Variants in RBFOX1 observed in about 807,000 individuals in gnomAD.
The protein encoded by RBFOX1 is RNA binding fox-1 homolog 1, also known as RNA binding protein fox-1 homolog 1.
In RBFOX1, 8 loss-of-function variants were observed where a neutral mutation model predicts 57.7. The ratio of observed to expected loss-of-function variants is 0.14; its 90% CI spans 0.08 to 0.25. The LOEUF (loss-of-function observed/expected upper bound fraction) is 0.25, where lower values mean the gene tolerates loss of function less well. RBFOX1 is among the 10% of genes least tolerant of loss of function. The pLI is 1.00. For synonymous variants in RBFOX1, 326 were observed against 222.4 expected (o/e 1.47, Z -4.15); for missense variants, 611 against 548.5 (o/e 1.11, Z -1.14).
intron 4 of RBFOX1, among the ~76,000 whole-genome samples, chr16:5,944,672 C>A (rs190317949): frequency 6.6e-6 from 1 of 151,160 alleles, no homozygotes; most frequent in South Asian, 2.1e-4. Context: ...AAGCTATTCT[C>A]GGCCAGGTGT....
intron 4 of RBFOX1, among the ~76,000 whole-genome samples, chr16:7,121,073 A>T (rs756273748): frequency 6.6e-5 from 10 of 152,008 alleles, no homozygotes; most frequent in Non-Finnish European, 1.2e-4. Context: ...TACATTGATG[A>T]TAAAAACTCT....
chr16:5,489,892 G>A (rs987278506), intron 2 of RBFOX1, among the ~76,000 whole-genome samples: 1 of 152,232 alleles, frequency 6.6e-6, no homozygotes, highest in African/African-American at 2.4e-5. Flanking sequence ...CAGGTAGCTG[G>A]CAACCTTCTT....
intron 3 of RBFOX1, among the ~76,000 whole-genome samples, chr16:5,805,082 T>A (rs1482819128): frequency 6.6e-6 from 1 of 151,976 alleles, no homozygotes; most frequent in Non-Finnish European, 1.5e-5. Flanking sequence ...AAGAAGGTGA[T>A]CTAGTGTGGA....
intron 3 of RBFOX1, among the ~76,000 whole-genome samples, chr16:6,781,021 G>C (rs978184322): frequency 6.6e-6 from 1 of 151,988 alleles, no homozygotes; most frequent in Non-Finnish European, 1.5e-5. Context: ...GACCATTTTT[G>C]CTTTGGTTAC....
chr16:6,135,644 GA>G (rs368478489), intron 1 of RBFOX1, among the ~76,000 whole-genome samples: 6 of 151,024 alleles, frequency 4.0e-5, no homozygotes, highest in East Asian at 1.9e-4. Flanking sequence ...CAGAATGTCT[GA>G]AAAAAAACCA....
intron 3 of RBFOX1, among the ~76,000 whole-genome samples, chr16:6,740,740 GCA>G (rs1311900567): frequency 1.3e-5 from 2 of 152,162 alleles, no homozygotes; most frequent in African/African-American, 2.4e-5. Context: ...AGATGGAAAA[GCA>G]CAGTGTGTTC....
intron 4 of RBFOX1, among the ~76,000 whole-genome samples, chr16:7,318,631 C>G (rs1019746789): frequency 6.6e-6 from 1 of 152,128 alleles, no homozygotes; most frequent in African/African-American, 2.4e-5. Flanking sequence ...AACTCTTAGA[C>G]ATAGAGAACG....
intron 3 of RBFOX1, among the ~76,000 whole-genome samples, chr16:5,718,618 C>G (rs1436008352): frequency 2.0e-5 from 3 of 152,200 alleles, no homozygotes; most frequent in African/African-American, 2.4e-5. Context: ...GTTAAACTTT[C>G]TGGCCTGGCT....
At chr16:5,867,276 TA>T in intron 3 of RBFOX1, 16 of 1,173,550 alleles carry the variant, frequency 1.4e-5, no homozygotes, top group Non-Finnish European at 1.7e-5. Flanking sequence ...GAATCAATAC[TA>T]ATGTCTTTTT....
intron 3 of RBFOX1, among the ~76,000 whole-genome samples, chr16:6,946,594 T>C (rs980362273): frequency 6.6e-6 from 1 of 152,126 alleles, no homozygotes; most frequent in African/African-American, 2.4e-5. Context: ...AACCTTTTTT[T>C]CATTTTTTTG....
intron 4 of RBFOX1, among the ~76,000 whole-genome samples, chr16:7,364,316 A>T (rs1425504394): frequency 1.3e-5 from 2 of 152,104 alleles, no homozygotes; most frequent in African/African-American, 4.8e-5. Context: ...TACTATGGAG[A>T]AAGGGCCCTG....
chr16:5,497,720 A>G (rs960658532), intron 2 of RBFOX1, among the ~76,000 whole-genome samples: 1 of 152,070 alleles, frequency 6.6e-6, no homozygotes, highest in African/African-American at 2.4e-5. Context: ...CAGAGGTCGC[A>G]GTGAGCTGAG....
rs367563569 is a variant in RBFOX1, at chr16:6,689,453, C to T, written c.-16+34803C>T. 2.6e-5 allele frequency among the ~76,000 whole-genome samples: 4 copies of T among 152,136 alleles called. No homozygotes were observed. The East Asian group carries it at 7.7e-4, about 29-fold the overall frequency. On this transcript the variant is annotated intron_variant, in intron 3 of 15. Transcript: ENST00000550418. ...TTATTTTTATATGGTAATTTCTTCT[C>T]ATGTGTTTTAAATACTCATCTTCTA... is the stretch of plus-strand genomic sequence containing the variant.
At chr16:7,684,624 GAA>G (rs35099150) in intron 14 of RBFOX1, among the ~76,000 whole-genome samples, 120 of 148,918 alleles carry the variant, frequency 8.1e-4, no homozygotes, top group Non-Finnish European at 1.2e-3. Flanking sequence ...GGAATTTAAA[GAA>G]AAAAAAAAAC....
At chr16:7,184,582 C>G (rs535459751) in intron 4 of RBFOX1, among the ~76,000 whole-genome samples, 2 of 152,182 alleles carry the variant, frequency 1.3e-5, no homozygotes, top group Non-Finnish European at 2.9e-5. Context: ...AATCCTTAGT[C>G]TTGTCTGTTT....
chr16:6,975,983 C>G (rs1337477682), intron 3 of RBFOX1, among the ~76,000 whole-genome samples: 1 of 151,890 alleles, frequency 6.6e-6, no homozygotes, highest in African/African-American at 2.4e-5. Flanking sequence ...AAAAATTAGC[C>G]AGGCATGGTG....
chr16:7,025,334 A>G (rs2040566595), intron 3 of RBFOX1, among the ~76,000 whole-genome samples: 1 of 152,154 alleles, frequency 6.6e-6, no homozygotes. Context: ...TCTCAGGGCC[A>G]TCTGGGTTTT....
intron 2 of RBFOX1, among the ~76,000 whole-genome samples, chr16:6,406,284 A>C (rs960892868): frequency 2.0e-5 from 3 of 152,136 alleles, no homozygotes; most frequent in African/African-American, 7.2e-5. Context: ...TCTGGGACTC[A>C]TGAACTTCCA....
intron 4 of RBFOX1, among the ~76,000 whole-genome samples, chr16:7,156,024 C>T (rs1024943487): frequency 3.3e-5 from 5 of 151,748 alleles, no homozygotes; most frequent in African/African-American, 9.7e-5. Flanking sequence ...CTCACACATA[C>T]ACACACGCAC....
Sources: gnomAD v4.1 joint callset for allele counts (sites outside exome capture counted in the v4.1 genomes callset) on GRCh38, gnomAD v4.1.1 for gene constraint, MANE v1.5 for transcripts, NCBI Gene and HGNC (gene_info 2026-07-23, HGNC 2026-07-21) for gene names.